POPDC1: variants seen among roughly 807,000 people sequenced by gnomAD.
The protein encoded by POPDC1 is popeye domain cAMP effector 1.
the POPDC1 span, among the ~76,000 whole-genome samples, chr6:105,119,155 A>G: frequency 7.0e-6 from 1 of 142,174 alleles, no homozygotes; most frequent in South Asian, 2.3e-4. Context: ...GCTGCACTCT[A>G]GCCTGGGTAA....
At chr6:105,135,711 T>C in the POPDC1 span, among the ~76,000 whole-genome samples, 1 of 152,052 alleles carries the variant, frequency 6.6e-6, no homozygotes. Context: ...CACGACACCT[T>C]ATTAAAGAGA....
the POPDC1 span, among the ~76,000 whole-genome samples, chr6:105,127,696 A>G: frequency 1.3e-5 from 2 of 151,976 alleles, no homozygotes; most frequent in Admixed American, 1.3e-4. Flanking sequence ...TAGGCCTCCC[A>G]AAGTGCTGGG....
chr6:105,125,459 C>A, the POPDC1 span: 36 of 1,614,036 alleles, frequency 2.2e-5, no homozygotes, highest in Non-Finnish European at 2.8e-5. Flanking sequence ...AAGTTTGGCC[C>A]TTTTTCAAGG....
the POPDC1 span, chr6:105,098,295 T>G: frequency 1.3e-5 from 2 of 152,218 alleles, no homozygotes; most frequent in Non-Finnish European, 2.9e-5. Flanking sequence ...ATCTGCTTCT[T>G]TGAGATCAAG....
the POPDC1 span, chr6:105,116,622 T>G: frequency 8.2e-7 from 1 of 1,226,428 alleles, no homozygotes; most frequent in Non-Finnish European, 1.1e-6. Context: ...TACTAAAAAT[T>G]CAGGAAAACA....
the POPDC1 span, among the ~76,000 whole-genome samples, chr6:105,129,850 T>C: frequency 2.6e-5 from 4 of 152,212 alleles, no homozygotes; most frequent in Non-Finnish European, 5.9e-5. Context: ...AATGTATGAA[T>C]TGTTTATTCT....
At chr6:105,112,487 A>G in the POPDC1 span, among the ~76,000 whole-genome samples, 1 of 152,256 alleles carries the variant, frequency 6.6e-6, no homozygotes, top group African/African-American at 2.4e-5. Flanking sequence ...GTAATTCTGA[A>G]GTAATCTAAC....
At chr6:105,128,693 TG>T in the POPDC1 span, among the ~76,000 whole-genome samples, 381 of 152,354 alleles carry the variant, frequency 2.5e-3, 2 homozygotes, top group Non-Finnish European at 3.7e-3. Context: ...TCTTGTTTTC[TG>T]ATAGTTTTCT....
At chr6:105,108,892 A>G in the POPDC1 span, among the ~76,000 whole-genome samples, 1 of 152,250 alleles carries the variant, frequency 6.6e-6, no homozygotes, top group Non-Finnish European at 1.5e-5. Flanking sequence ...TTTCAAAGTA[A>G]GAGACCCACA....
chr6:105,106,115 C>T, the POPDC1 span, among the ~76,000 whole-genome samples: 6 of 152,146 alleles, frequency 3.9e-5, no homozygotes, highest in African/African-American at 7.2e-5. Context: ...CTATAATCAC[C>T]TTCCACCTAC....
chr6:105,113,719 G>C, the POPDC1 span, among the ~76,000 whole-genome samples: 3 of 152,108 alleles, frequency 2.0e-5, no homozygotes, highest in South Asian at 6.2e-4. Context: ...CAGGTGCAGT[G>C]GCTCACGCCT....
the POPDC1 span, among the ~76,000 whole-genome samples, chr6:105,110,162 C>T: frequency 2.0e-5 from 3 of 152,168 alleles, no homozygotes; most frequent in Non-Finnish European, 4.4e-5. Context: ...GAAAATGAAA[C>T]ACCCACCTCG....
the POPDC1 span, among the ~76,000 whole-genome samples, chr6:105,113,099 T>A: frequency 1.3e-5 from 2 of 150,086 alleles, no homozygotes; most frequent in Non-Finnish European, 3.0e-5. Flanking sequence ...CCTGGATAAT[T>A]TTTTTAATTT....
chr6:105,130,416 A>C, the POPDC1 span, among the ~76,000 whole-genome samples: 1 of 152,166 alleles, frequency 6.6e-6, no homozygotes, highest in Non-Finnish European at 1.5e-5. Flanking sequence ...GTGATTGTTT[A>C]CTTAGTCTGG....
chr6:105,125,282 G>A, the POPDC1 span: 1 of 1,286,178 alleles, frequency 7.8e-7, no homozygotes, highest in Non-Finnish European at 1.1e-6. Context: ...CAAACTCTGT[G>A]ACTGCTTTCT....
chr6:105,133,253 G>C, the POPDC1 span: 3 of 1,039,132 alleles, frequency 2.9e-6, no homozygotes, highest in Middle Eastern at 2.2e-4. Context: ...TTTTTGGCTT[G>C]CTATGGGCCT....
the POPDC1 span, among the ~76,000 whole-genome samples, chr6:105,107,129 G>C: frequency 1.9e-4 from 28 of 151,168 alleles, no homozygotes; most frequent in African/African-American, 4.9e-4. Context: ...TCCAGCCTCT[G>C]ATAACCATCC....
chr6:105,124,108 C>T, the POPDC1 span, among the ~76,000 whole-genome samples: 8 of 152,050 alleles, frequency 5.3e-5, no homozygotes, highest in South Asian at 2.1e-4. Flanking sequence ...TTAGGCCAGG[C>T]GTGGTGGCTC....
the POPDC1 span, among the ~76,000 whole-genome samples, chr6:105,118,781 C>T: frequency 4.6e-5 from 7 of 152,184 alleles, no homozygotes; most frequent in East Asian, 1.9e-4. Flanking sequence ...CTCAAAAATC[C>T]GTTTAAAATA....
Sources: allele counts gnomAD v4.1 joint callset (sites outside exome capture counted in the v4.1 genomes callset), GRCh38; gene constraint gnomAD v4.1.1; transcripts MANE v1.5; gene names NCBI Gene and HGNC (gene_info 2026-07-23, HGNC 2026-07-21).